Variants in CDH1 observed in about 807,000 individuals in gnomAD.
CDH1 encodes cadherin-1.
In CDH1, 35 loss-of-function variants were observed where a neutral mutation model predicts 84.5. The ratio of observed to expected loss-of-function variants is 0.41; its 90% CI spans 0.32 to 0.55. The LOEUF (loss-of-function observed/expected upper bound fraction) is 0.55. CDH1 is among the 20% of genes least tolerant of loss of function. The pLI is 0.19. For synonymous variants in CDH1, 417 were observed against 439.0 expected (o/e 0.95, Z 0.63); for missense variants, 994 against 1,126.6 (o/e 0.88, Z 1.68).
At chr16:68,789,517 T>C (rs1326303300) in intron 2 of CDH1, among the ~76,000 whole-genome samples, 3 of 151,514 alleles carry the variant, frequency 2.0e-5, no homozygotes, top group East Asian at 3.9e-4. Flanking sequence ...GATTGGCTCA[T>C]CTTTTTTTTT....
rs771419468 is a variant in CDH1, at chr16:68,819,286, G to A, written c.1572G>A (p.Arg524=). Residue 524 remains arginine, a synonymous_variant, in exon 11 of 16, where the codon CGG becomes CGA. Coordinates refer to ENST00000261769, the MANE Select transcript of CDH1 (RefSeq NM_004360.5). ...DTFMEQKITY[R]IWRDTANWLE... is the part of the protein sequence containing the mutation. The stretch of plus-strand genomic sequence containing the variant: ...AGAGCTTGTCCCCGTTCAGATATCG[G>A]ATTTGGAGAGACACTGCCAACTGGC... 1 of 1,614,196 alleles carries A rather than the reference G, an allele frequency of 6.2e-7. No individual in the cohort carries two copies. Among genetic ancestry groups the A allele is most frequent in the Non-Finnish European group, 8.5e-7 (1 of 1,180,040 alleles).
At chr16:68,813,726 G>A (rs756820647) in intron 9 of CDH1, among the ~76,000 whole-genome samples, 18 of 152,170 alleles carry the variant, frequency 1.2e-4, no homozygotes, top group South Asian at 2.1e-4. Flanking sequence ...ACTTAGGGAC[G>A]CTGAGGCAGG....
intron 2 of CDH1, among the ~76,000 whole-genome samples, chr16:68,778,646 G>A (rs1264060817): frequency 1.3e-5 from 2 of 152,190 alleles, no homozygotes; most frequent in African/African-American, 4.8e-5. Flanking sequence ...TATTGTGTGT[G>A]TAATCAGAAG....
rs74907535 is a variant in CDH1 at position 68,763,049 on chromosome 16, C to T, written c.163+24638C>T. On this transcript the variant is annotated intron_variant, in intron 2 of 15. Coordinates refer to ENST00000261769, the MANE Select transcript of CDH1 (RefSeq NM_004360.5). The stretch of plus-strand genomic sequence containing the variant: ...CTCTTCCCCACAGCAAGGCTATTTG[C>T]TTCCTGAAGATAAATCAATTGTAAA... Among the ~76,000 whole-genome samples the T allele has an allele frequency of 5.2e-4, 79 of 151,584 alleles. 1 individual carries two copies. The East Asian group carries it at 0.014, about 28-fold the overall frequency.
At chr16:68,811,600 C>T (rs1960830880) in intron 6 of CDH1, 84 bp from the exon 7 acceptor site, 1 of 1,239,244 alleles carries the variant, frequency 8.1e-7, no homozygotes, top group African/African-American at 1.5e-5. Context: ...TCCTTTATCC[C>T]TCAGGGCAGA....
chr16:68,828,275 G>C lies in CDH1; in HGVS notation c.2266G>C (p.Asp756His), dbSNP rs1555517677. 2 of 1,614,132 alleles carry C rather than the reference G, an allele frequency of 1.2e-6. No individual in the cohort carries two copies. The highest frequency in any genetic ancestry group is 1.3e-5 in the African/African-American group (1 of 75,032). ...CACCCGGGACAACGTTTATTACTAT[G>C]ATGAAGAAGGAGGCGGAGAAGAGGA... ...DDTRDNVYYYDEEGGGEEDQD... is the reference protein window; with the variant it reads ...DDTRDNVYYYHEEGGGEEDQD... Residue 756 changes from aspartate to histidine, a missense_variant, in exon 14 of 16, where the codon GAT becomes CAT. Around this residue, in one of 3 missense-constraint regions of CDH1, gnomAD observed 769 missense variants for 881.8 expected, o/e 0.87. Transcript: ENST00000261769.
At chr16:68,767,288 G>A (rs534661995) in intron 2 of CDH1, among the ~76,000 whole-genome samples, 28 of 151,706 alleles carry the variant, frequency 1.8e-4, no homozygotes, top group South Asian at 1.7e-3. Flanking sequence ...TCTACCTCCC[G>A]GGCTCAAGCA....
chr16:68,756,296 A>C (rs1963017133), intron 2 of CDH1, among the ~76,000 whole-genome samples: 1 of 152,002 alleles, frequency 6.6e-6, no homozygotes, highest in Non-Finnish European at 1.5e-5. Flanking sequence ...TGGTGGGGAG[A>C]GTTGTGGCTT....
chr16:68,769,879 C>T (rs944955124), intron 2 of CDH1, among the ~76,000 whole-genome samples: 5 of 151,536 alleles, frequency 3.3e-5, no homozygotes, highest in Non-Finnish European at 7.4e-5. Flanking sequence ...GGGGTTTCAC[C>T]GTGTTAGCCA....
At chr16:68,832,449 C>T (rs1172511628) in intron 15 of CDH1, among the ~76,000 whole-genome samples, 1 of 151,818 alleles carries the variant, frequency 6.6e-6, no homozygotes, top group Admixed American at 6.6e-5. Flanking sequence ...GCACTCTAGC[C>T]TTGGTGACAG....
intron 3 of CDH1, 142 bp from the exon 4 acceptor site, chr16:68,808,282 T>C (rs1038669802): frequency 3.7e-6 from 3 of 821,400 alleles, no homozygotes; most frequent in Admixed American, 4.2e-5. Flanking sequence ...TAATTTGTCA[T>C]TGATAAGAGA....
At position 68,828,224 on chromosome 16, in the gene CDH1, G is replaced by A. The variant is rs2152141449; in HGVS notation, c.2215G>A (p.Glu739Lys). ...LFLRRRAVVK[E>K]PLLPPEDDTR... ...TCTTCGGAGGAGAGCGGTGGTCAAA[G>A]AGCCCTTACTGCCCCCAGAGGATGA... Residue 739 changes from glutamate to lysine, a missense_variant, in exon 14 of 16, where the codon GAG (glutamate) becomes AAG (lysine). Physicochemically the swap from Glu to Lys is moderately conservative, Grantham distance 56. This residue lies in a region of CDH1 where 769 missense variants were observed against 881.8 expected (regional missense o/e 0.87). Transcript: ENST00000261769. 2 of 1,614,054 alleles carry A rather than the reference G, an allele frequency of 1.2e-6. No individual in the cohort carries two copies. Among genetic ancestry groups the A allele is most frequent in the Non-Finnish European group, 8.5e-7 (1 of 1,179,986 alleles).
rs1001731619 is a variant in CDH1, at chr16:68,835,488, G to C, written c.*1989G>C. 9.8e-6 allele frequency: 2 copies of C among 204,398 alleles called. No individual in the cohort carries two copies. The highest frequency in any genetic ancestry group is 2.3e-5 in the African/African-American group (1 of 43,708). 12.7% of individuals were successfully genotyped at this position (204,398 alleles called of 1,614,324 possible). On this transcript the variant is annotated 3_prime_UTR_variant, in exon 16 of 16. Coordinates refer to ENST00000261769, the MANE Select transcript of CDH1 (RefSeq NM_004360.5). ...AGGAAAACAATTCAAGCTGAGAAAA[G>C]TATTCTCAAAGATGCATTTTTATAA...
intron 6 of CDH1, among the ~76,000 whole-genome samples, chr16:68,810,653 C>T (rs976598704): frequency 6.6e-6 from 1 of 151,430 alleles, no homozygotes; most frequent in Non-Finnish European, 1.5e-5. Context: ...CACCTGTGCT[C>T]AGGAGTTCAA....
chr16:68,801,792 A>G lies in CDH1; in HGVS notation c.286A>G (p.Ile96Val), dbSNP rs749306433. The stretch of plus-strand genomic sequence containing the variant: ...GCCTCTACGGTTTCATAACCCACAG[A>G]TCCATTTCTTGGTCTACGCCTGGGA... ...KRPLRFHNPQIHFLVYAWDST... is the reference protein window; with the variant it reads ...KRPLRFHNPQVHFLVYAWDST... The change falls in exon 3 of 16, where the codon ATC becomes GTC. Residue 96 changes from isoleucine to valine, a missense_variant. Around this residue, in one of 3 missense-constraint regions of CDH1, gnomAD observed 203 missense variants for 194.0 expected, o/e 1.05. Transcript: ENST00000261769. 3.3e-5 allele frequency: 53 copies of G among 1,614,044 alleles called. 1 individual carries two copies. In the Admixed American group the frequency reaches 8.8e-4, roughly 27 times the overall value.
At chr16:68,799,736 G>A (rs1215237158) in intron 2 of CDH1, among the ~76,000 whole-genome samples, 1 of 152,062 alleles carries the variant, frequency 6.6e-6, no homozygotes, top group Non-Finnish European at 1.5e-5. Flanking sequence ...GGTTGGGGCC[G>A]GGTGTGGTGG....
intron 3 of CDH1, among the ~76,000 whole-genome samples, chr16:68,804,412 C>T (rs2152128080): frequency 6.6e-6 from 1 of 152,192 alleles, no homozygotes; most frequent in South Asian, 2.1e-4. Context: ...TGCGCCCGGC[C>T]CTATCTGCCT....
intron 2 of CDH1, among the ~76,000 whole-genome samples, chr16:68,756,505 A>C (rs988831852): frequency 6.6e-6 from 1 of 152,268 alleles, no homozygotes; most frequent in African/African-American, 2.4e-5. Context: ...CTTACTCATA[A>C]GTCCCAGGAG....
intron 2 of CDH1, among the ~76,000 whole-genome samples, chr16:68,763,914 C>T (rs932056441): frequency 6.6e-6 from 1 of 152,138 alleles, no homozygotes; most frequent in African/African-American, 2.4e-5. Context: ...AACTGGTGGT[C>T]CCTGGATCCC....
Sources: gnomAD v4.1 joint callset for allele counts (sites outside exome capture counted in the v4.1 genomes callset) on GRCh38, gnomAD v4.1.1 for gene constraint, gnomAD v4.1.1 regional missense constraint, MANE v1.5 for transcripts, NCBI Gene and HGNC (gene_info 2026-07-23, HGNC 2026-07-21) for gene names.